The following SMPD3 variants were observed in gnomAD, a reference collection of about 807,000 sequenced individuals.
The protein encoded by SMPD3 is nSMase-2.
SMPD3 carries 21 observed loss-of-function variants against 55.7 expected under a neutral mutation model. The observed-to-expected ratio is 0.38, with a 90% confidence interval of 0.27 to 0.54. SMPD3 has a LOEUF of 0.54. Among genes scored for constraint, SMPD3 ranks in the 20% least tolerant of loss-of-function variants. The pLI is 0.80. For synonymous variants in SMPD3, 457 were observed against 404.3 expected (o/e 1.13, Z -1.56); for missense variants, 842 against 899.6 (o/e 0.94, Z 0.82).
rs185987987 is a variant in SMPD3 at position 68,359,575 on chromosome 16, A to G, written c.*1631T>C. On this transcript the variant is annotated 3_prime_UTR_variant, in exon 9 of 9. Transcript: ENST00000219334. ...CCCTCTTGGTCCCTCTTGCAGCTCA[A>G]TGGGTGACAAGGCACAGCATCAGGG... 1.2e-3 allele frequency: 179 copies of G among 152,890 alleles called. 1 individual carries two copies. The highest frequency in any genetic ancestry group is 4.2e-3 in the African/African-American group (175 of 41,558). The allele number at this position is 152,890 out of a possible 1,614,324, so 9.5% of individuals were successfully genotyped here. A position where few individuals can be genotyped will look rare whatever the true frequency, so the allele number is the denominator to read the frequency against.
At chr16:68,394,716 A>G (rs1035362937) in intron 1 of SMPD3, among the ~76,000 whole-genome samples, 3 of 152,238 alleles carry the variant, frequency 2.0e-5, no homozygotes, top group Non-Finnish European at 4.4e-5. Context: ...TTGTTCCCCA[A>G]AAGATTTAAG....
intron 1 of SMPD3, among the ~76,000 whole-genome samples, chr16:68,399,992 G>A (rs542043778): frequency 9.8e-5 from 15 of 152,338 alleles, no homozygotes; most frequent in Admixed American, 9.1e-4. Flanking sequence ...TCCATAGCAG[G>A]GCAGCTACTA....
At chr16:68,422,363 AGCCATGGATGTTGG>A (rs2090401290) in intron 1 of SMPD3, among the ~76,000 whole-genome samples, 2 of 152,180 alleles carry the variant, frequency 1.3e-5, no homozygotes, top group Admixed American at 1.3e-4. Flanking sequence ...GAACTGGGAA[AGCCATGGATGTTGG>A]GCCTGGTTCT....
chr16:68,379,865 G>A (rs1225230851), intron 2 of SMPD3, among the ~76,000 whole-genome samples: 1 of 152,262 alleles, frequency 6.6e-6, no homozygotes, highest in African/African-American at 2.4e-5. Flanking sequence ...AGAAAGCCCA[G>A]ATGAAGCCAA....
intron 1 of SMPD3, among the ~76,000 whole-genome samples, chr16:68,436,776 C>T (rs1447089588): frequency 6.6e-6 from 1 of 152,220 alleles, no homozygotes; most frequent in Non-Finnish European, 1.5e-5. Context: ...CATGGTGCCC[C>T]TTGTGGCAGC....
rs993641051 is a variant in SMPD3, at chr16:68,448,452, C to G, written c.-368G>C. On this transcript the variant is annotated 5_prime_UTR_variant, in exon 1 of 9. Transcript: ENST00000219334. Reference sequence around the variant, plus strand: ...TCCCGGCCGCAGATCTGGCGGCGGCCGCAGCGGCGGCGGCTCTCGCGGCTC... The same window carrying G: ...TCCCGGCCGCAGATCTGGCGGCGGCGGCAGCGGCGGCGGCTCTCGCGGCTC... The G allele has an allele frequency of 6.6e-6, 1 of 152,286 alleles. No homozygotes were observed. The highest frequency in any genetic ancestry group is 2.4e-5 in the African/African-American group (1 of 41,442). 9.4% of individuals were successfully genotyped at this position (152,286 alleles called of 1,614,324 possible).
chr16:68,396,789 T>C, intron 1 of SMPD3, among the ~76,000 whole-genome samples: 1 of 152,260 alleles, frequency 6.6e-6, no homozygotes, highest in East Asian at 1.9e-4. Flanking sequence ...TCAATGAGGC[T>C]ACTTTGTGGT....
At chr16:68,442,538 C>G (rs537111464) in intron 1 of SMPD3, among the ~76,000 whole-genome samples, 1 of 152,300 alleles carries the variant, frequency 6.6e-6, no homozygotes, top group Non-Finnish European at 1.5e-5. Context: ...TGAGGGACTC[C>G]TGGGCCTCCC....
chr16:68,429,848 A>C (rs1018071409), intron 1 of SMPD3, among the ~76,000 whole-genome samples: 1 of 152,148 alleles, frequency 6.6e-6, no homozygotes, highest in African/African-American at 2.4e-5. Context: ...GTTAGATGTT[A>C]CAATTCCCAG....
rs144416297 is a variant in SMPD3 at position 68,379,372 on chromosome 16, T to C, written c.-206-6985A>G. 1.7e-3 allele frequency among the ~76,000 whole-genome samples: 264 copies of C among 152,350 alleles called. 3 individuals are homozygous for C. The highest frequency in any genetic ancestry group is 6.0e-3 in the African/African-American group (250 of 41,586). ...CTTAGTTTCCTCACATGTTAAGCCT[T>C]GGTAATAACCGTCTCTCAGGGTAGT... On this transcript the variant is annotated intron_variant, in intron 2 of 8. Transcript: ENST00000219334.
Position 68,360,970 on chromosome 16 carries a change from G to C in SMPD3, c.*236C>G. On this transcript the variant is annotated 3_prime_UTR_variant, in exon 9 of 9. Transcript: ENST00000219334. Reference sequence around the variant, plus strand: ...GTAGATTTGTAGAAAATCGTGTTGTGAAAGAATGGCACTGGTTAGGCAGCT... The same window carrying C: ...GTAGATTTGTAGAAAATCGTGTTGTCAAAGAATGGCACTGGTTAGGCAGCT... 1 of 522,270 alleles carries C rather than the reference G, an allele frequency of 1.9e-6. No individual in the cohort carries two copies. Among genetic ancestry groups the C allele is most frequent in the Non-Finnish European group, 3.4e-6 (1 of 294,022 alleles). 32.4% of individuals were successfully genotyped at this position (522,270 alleles called of 1,614,324 possible). A position where few individuals can be genotyped will look rare whatever the true frequency, so the allele number is the denominator to read the frequency against.
At chr16:68,414,630 G>T (rs1340133785) in intron 1 of SMPD3, among the ~76,000 whole-genome samples, 2 of 152,266 alleles carry the variant, frequency 1.3e-5, no homozygotes, top group Non-Finnish European at 2.9e-5. Flanking sequence ...AGAAGGAATG[G>T]CATGCACAAA....
At chr16:68,365,391 G>A (rs1049041000) in intron 3 of SMPD3, among the ~76,000 whole-genome samples, 3 of 152,172 alleles carry the variant, frequency 2.0e-5, no homozygotes, top group Non-Finnish European at 4.4e-5. Context: ...CCCAGGCCCT[G>A]CCATCTCCCA....
rs1460116312 is a variant in SMPD3 at position 68,360,192 on chromosome 16, G to A, written c.*1014C>T. The A allele has an allele frequency of 6.6e-6, 1 of 152,638 alleles. No individual in the cohort carries two copies. Among genetic ancestry groups the A allele is most frequent in the Non-Finnish European group, 1.5e-5 (1 of 68,084 alleles). The allele number at this position is 152,638 out of a possible 1,614,324, so 9.5% of individuals were successfully genotyped here. A position where few individuals can be genotyped will look rare whatever the true frequency, so the allele number is the denominator to read the frequency against. On this transcript the variant is annotated 3_prime_UTR_variant, in exon 9 of 9. Coordinates refer to ENST00000219334, the MANE Select transcript of SMPD3 (RefSeq NM_018667.4). Reference sequence around the variant, plus strand: ...CGCAGGTGGGGCACGTCCCCAGGGAGGGATTGGTCCCGAACCAGAGAGGTG... The same window carrying A: ...CGCAGGTGGGGCACGTCCCCAGGGAAGGATTGGTCCCGAACCAGAGAGGTG...
intron 4 of SMPD3, 52 bp downstream of exon 4, chr16:68,364,965 C>T (rs1338303306): frequency 1.2e-6 from 2 of 1,613,636 alleles, no homozygotes; most frequent in Non-Finnish European, 1.7e-6. Flanking sequence ...CCAGCTAGGC[C>T]CCAGGCACTG....
chr16:68,373,945 T>A (rs1783095970), intron 2 of SMPD3, among the ~76,000 whole-genome samples: 1 of 152,184 alleles, frequency 6.6e-6, no homozygotes, highest in South Asian at 2.1e-4. Context: ...ACTTAGAAAT[T>A]CCCTCCTTAG....
chr16:68,362,257 CCT>C (rs1443575448), intron 7 of SMPD3, among the ~76,000 whole-genome samples: 7 of 152,308 alleles, frequency 4.6e-5, no homozygotes, highest in African/African-American at 1.7e-4. Context: ...AGCCTCCAAG[CCT>C]CTGTTTCCTC....
At position 68,446,996 on chromosome 16, in the gene SMPD3, C is replaced by T. The variant is rs373267247; in HGVS notation, c.-269+1357G>A. Among the ~76,000 whole-genome samples, 64 of 152,286 alleles carry T rather than the reference C, an allele frequency of 4.2e-4. 1 individual carries two copies. In the East Asian group the frequency reaches 0.011, roughly 26 times the overall value. On this transcript the variant is annotated intron_variant, in intron 1 of 8. Coordinates refer to ENST00000219334, the MANE Select transcript of SMPD3 (RefSeq NM_018667.4). ...CCTCGGGATTTTCCATCCCGGCTCG[C>T]GCGGGCCCGCTAGAAGCCGGTGCGC...
At chr16:68,388,869 A>G (rs1387529585) in intron 1 of SMPD3, among the ~76,000 whole-genome samples, 1 of 152,104 alleles carries the variant, frequency 6.6e-6, no homozygotes, top group Non-Finnish European at 1.5e-5. Flanking sequence ...CTGTCCCCCT[A>G]TCCTTTCACG....
Sources: gnomAD v4.1 joint callset for allele counts (sites outside exome capture counted in the v4.1 genomes callset) on GRCh38, gnomAD v4.1.1 for gene constraint, MANE v1.5 for transcripts, NCBI Gene and HGNC (gene_info 2026-07-23, HGNC 2026-07-21) for gene names.